Variants in TANGO6 observed in about 807,000 individuals in gnomAD.
TANGO6 encodes transport and golgi organization 6 homolog.
TANGO6 carries 90 observed loss-of-function variants against 114.2 expected under a neutral mutation model. That is an observed-to-expected ratio of 0.79 (90% CI 0.66 to 0.94). The LOEUF (loss-of-function observed/expected upper bound fraction) is 0.94, where lower values mean the gene tolerates loss of function less well. Ranked by LOEUF, TANGO6 falls within the 40% of genes least tolerant of loss-of-function variation. TANGO6 has a pLI of 0.00. For missense variants in TANGO6, 1,274 were observed against 1,315.3 expected (o/e 0.97, Z 0.49); for synonymous variants, 477 against 509.8 (o/e 0.94, Z 0.87).
chr16:69,065,757 G>A (rs1338729282), intron 17 of TANGO6, among the ~76,000 whole-genome samples: 1 of 152,114 alleles, frequency 6.6e-6, no homozygotes, highest in Non-Finnish European at 1.5e-5. Context: ...TTTCTTTACT[G>A]ACCGTCCTGA....
chr16:68,927,440 A>T, intron 12 of TANGO6, 128 bp from the exon 13 acceptor site: 1 of 952,212 alleles, frequency 1.1e-6, no homozygotes, highest in African/African-American at 1.6e-5. Context: ...CCCAGGCAAT[A>T]CACTGATTAC....
At chr16:68,859,063 G>A (rs1758749826) in intron 1 of TANGO6, among the ~76,000 whole-genome samples, 2 of 152,136 alleles carry the variant, frequency 1.3e-5, no homozygotes, top group South Asian at 4.1e-4. Flanking sequence ...ATTCTGGGGG[G>A]AAACGATGTG....
Position 68,860,256 on chromosome 16 carries a change from G to A in TANGO6, c.467G>A (p.Gly156Asp), listed in dbSNP as rs189556066. ...GTTTTGCAGTTTGTAGTTACCTTGG[G>A]TATCTGCCCCTATCTCATGCCTGGT... ...QFVLQFVVTL[G>D]ICPYLMPGVG... The change falls in exon 2 of 18, where the codon GGT (glycine) becomes GAT (aspartate). Residue 156 changes from glycine (G) to aspartate (D), a missense_variant. Around this residue, in one of 5 missense-constraint regions of TANGO6, gnomAD observed 908 missense variants for 910.2 expected, o/e 1.00. Transcript: ENST00000261778. The A allele has an allele frequency of 1.2e-6, 2 of 1,613,962 alleles. No homozygotes were observed. Among genetic ancestry groups the A allele is most frequent in the East Asian group, 2.2e-5 (1 of 44,878 alleles).
At chr16:68,899,557 C>A (rs1256450458) in intron 7 of TANGO6, among the ~76,000 whole-genome samples, 1 of 151,444 alleles carries the variant, frequency 6.6e-6, no homozygotes, top group East Asian at 1.9e-4. Flanking sequence ...TCCTCACACA[C>A]TTAACCATGT....
intron 16 of TANGO6, among the ~76,000 whole-genome samples, chr16:69,027,060 G>A (rs1298414828): frequency 2.6e-5 from 4 of 152,080 alleles, no homozygotes; most frequent in Admixed American, 2.0e-4. Flanking sequence ...ATGGCATTTC[G>A]CCATGTTGGC....
intron 15 of TANGO6, among the ~76,000 whole-genome samples, chr16:68,999,332 G>T (rs1269396064): frequency 6.6e-6 from 1 of 152,128 alleles, no homozygotes. Context: ...TTTACTTACT[G>T]CAGGTCAGGA....
intron 7 of TANGO6, among the ~76,000 whole-genome samples, chr16:68,888,642 C>T (rs1962570576): frequency 6.6e-6 from 1 of 152,140 alleles, no homozygotes; most frequent in Non-Finnish European, 1.5e-5. Flanking sequence ...AGTCTTTTCT[C>T]CATCTAATCT....
chr16:69,041,279 T>C (rs1036061773), intron 17 of TANGO6, among the ~76,000 whole-genome samples: 1 of 152,014 alleles, frequency 6.6e-6, no homozygotes, highest in Admixed American at 6.6e-5. Context: ...AAACCCCATC[T>C]CTACTAAAAA....
intron 7 of TANGO6, among the ~76,000 whole-genome samples, chr16:68,894,624 A>G (rs986212637): frequency 8.6e-5 from 13 of 152,026 alleles, no homozygotes; most frequent in African/African-American, 2.9e-4. Flanking sequence ...TAAAATTGGT[A>G]TAGGCTAGGA....
intron 17 of TANGO6, among the ~76,000 whole-genome samples, chr16:69,059,903 T>C (rs1960089339): frequency 6.6e-6 from 1 of 152,172 alleles, no homozygotes; most frequent in South Asian, 2.1e-4. Context: ...GTCAGACTCC[T>C]TTGCATGACA....
chr16:68,921,020 G>A (rs1019153639), intron 12 of TANGO6, among the ~76,000 whole-genome samples: 9 of 149,782 alleles, frequency 6.0e-5, no homozygotes, highest in South Asian at 2.1e-4. Context: ...GGAGAATGGC[G>A]TGAACCTGGG....
At chr16:69,047,042 G>A (rs771162048) in intron 17 of TANGO6, among the ~76,000 whole-genome samples, 3 of 150,310 alleles carry the variant, frequency 2.0e-5, no homozygotes, top group East Asian at 2.0e-4. Context: ...TTAGCTGGGC[G>A]TGGTGGTCCG....
chr16:68,935,420 A>G (rs1017216824), intron 14 of TANGO6, among the ~76,000 whole-genome samples: 1 of 152,226 alleles, frequency 6.6e-6, no homozygotes, highest in Non-Finnish European at 1.5e-5. Flanking sequence ...AGAATAAAAT[A>G]CAGCAGTTCA....
rs539923985 is a variant in TANGO6 at position 68,855,469 on chromosome 16, C to G, written c.95-4415C>G. 2.0e-4 allele frequency among the ~76,000 whole-genome samples: 31 copies of G among 151,820 alleles called. No homozygotes were observed. The East Asian group carries it at 5.9e-3, about 29-fold the overall frequency. On this transcript the variant is annotated intron_variant, in intron 1 of 17. Coordinates refer to ENST00000261778, the MANE Select transcript of TANGO6 (RefSeq NM_024562.2). ...TGGTGGCATGCGCCTGTAGTCCCAG[C>G]TACTGGGGAGGCTGAGGCACGAGAA...
intron 7 of TANGO6, among the ~76,000 whole-genome samples, chr16:68,893,774 A>AAAAAG (rs1491413467): frequency 6.7e-6 from 1 of 150,370 alleles, no homozygotes; most frequent in Non-Finnish European, 1.5e-5. Context: ...AAAAAAAAAA[A>AAAAAG]GGAAAAGAAA....
At chr16:68,848,682 T>G (rs1961853032) in intron 1 of TANGO6, among the ~76,000 whole-genome samples, 1 of 152,218 alleles carries the variant, frequency 6.6e-6, no homozygotes, top group African/African-American at 2.4e-5. Context: ...AGAATCATTC[T>G]GTTCCTTTAT....
intron 14 of TANGO6, among the ~76,000 whole-genome samples, chr16:68,953,046 A>ATTTTTT (rs564703176): frequency 9.5e-6 from 1 of 105,110 alleles, no homozygotes; most frequent in African/African-American, 4.1e-5. Flanking sequence ...CTCAACAGGT[A>ATTTTTT]TTTTTTATTA....
At chr16:68,933,454 A>G (rs138665595) in intron 14 of TANGO6, among the ~76,000 whole-genome samples, 79 of 152,314 alleles carry the variant, frequency 5.2e-4, no homozygotes, top group African/African-American at 1.8e-3. Context: ...GACACTCAGT[A>G]ACCTGAAACA....
At chr16:68,855,005 T>C (rs1961961926) in intron 1 of TANGO6, among the ~76,000 whole-genome samples, 1 of 148,644 alleles carries the variant, frequency 6.7e-6, no homozygotes, top group Non-Finnish European at 1.5e-5. Flanking sequence ...TTGCCATCTT[T>C]TTTCTTTTTT....
Sources: allele counts gnomAD v4.1 joint callset (sites outside exome capture counted in the v4.1 genomes callset), GRCh38; gene constraint gnomAD v4.1.1; regional missense constraint gnomAD v4.1.1; transcripts MANE v1.5; gene names NCBI Gene and HGNC (gene_info 2026-07-23, HGNC 2026-07-21).